Variants in LRP2 observed in about 807,000 individuals in gnomAD.
LRP2 encodes the protein LDL receptor related protein 2.
LRP2 carries 172 observed loss-of-function variants against 531.0 expected under a neutral mutation model. The observed-to-expected ratio is 0.32, with a 90% CI of 0.29 to 0.37. The LOEUF (loss-of-function observed/expected upper bound fraction) is 0.37. Among genes scored for constraint, LRP2 ranks in the 10% least tolerant of loss-of-function variants. LRP2 has a pLI of 1.00. For synonymous variants in LRP2, 1,992 were observed against 2,027.6 expected (o/e 0.98, Z 0.47); for missense variants, 5,167 against 5,868.3 (o/e 0.88, Z 3.90).
chr2:169,132,760 C>T (rs1215264007), intron 76 of LRP2, 79 bp from the exon 77 acceptor site: 2 of 795,296 alleles, frequency 2.5e-6, no homozygotes, highest in South Asian at 1.4e-5. Context: ...TTTGTACCAA[C>T]TCTGGCTCTT....
chr2:169,239,824 C>T lies in LRP2; in HGVS notation c.4046-49G>A, dbSNP rs1559034852. On this transcript the variant is annotated intron_variant, in intron 25 of 78. Transcript: ENST00000649046. ...GAAAAAAGAAAATCAAGAATCTTTG[C>T]TTCTTTGATTCACTCTTATGCAATA... 2.7e-6 allele frequency: 4 copies of T among 1,504,228 alleles called. No homozygotes were observed. The South Asian group carries it at 3.4e-5, about 13-fold the overall frequency. 93.2% of individuals were successfully genotyped at this position (1,504,228 alleles called of 1,614,324 possible).
chr2:169,283,080 G>T, intron 9 of LRP2, 79 bp from the exon 10 acceptor site: 1 of 1,471,564 alleles, frequency 6.8e-7, no homozygotes, highest in African/African-American at 1.4e-5. Context: ...TCCTAGATAA[G>T]ATGGCCAAGA....
intron 45 of LRP2, 125 bp from the exon 46 acceptor site, chr2:169,197,155 A>G: frequency 8.6e-7 from 1 of 1,164,848 alleles, no homozygotes; most frequent in Non-Finnish European, 1.2e-6. Flanking sequence ...GAGCCTGGAA[A>G]ATGGATGCTT....
At chr2:169,198,634 C>T in intron 45 of LRP2, 152 bp downstream of exon 45, 2 of 785,188 alleles carry the variant, frequency 2.5e-6, no homozygotes, top group Non-Finnish European at 4.2e-6. Context: ...CCTGCAATCA[C>T]ATATGAAAGC....
At chr2:169,188,922 A>C (rs1157621701) in intron 48 of LRP2, among the ~76,000 whole-genome samples, 1 of 152,168 alleles carries the variant, frequency 6.6e-6, no homozygotes, top group Non-Finnish European at 1.5e-5. Flanking sequence ...GTGAGTCTTC[A>C]TGGTGATGTG....
chr2:169,346,587 C>T (rs1685702670), intron 1 of LRP2, among the ~76,000 whole-genome samples: 1 of 152,098 alleles, frequency 6.6e-6, no homozygotes, highest in African/African-American at 2.4e-5. Flanking sequence ...CACCTTAGTC[C>T]CAGCTATTCA....
intron 2 of LRP2, among the ~76,000 whole-genome samples, chr2:169,319,198 A>T (rs1684847065): frequency 6.6e-6 from 1 of 152,244 alleles, no homozygotes; most frequent in Admixed American, 6.5e-5. Flanking sequence ...AGTAAACATT[A>T]ACTGTGAGTT....
chr2:169,283,367 T>G (rs1269799508), intron 9 of LRP2, among the ~76,000 whole-genome samples: 1 of 152,230 alleles, frequency 6.6e-6, no homozygotes, highest in African/African-American at 2.4e-5. Context: ...ACTAACCCCC[T>G]GTGGCTATCT....
At chr2:169,361,377 C>CTCTCTCTCTCTCTCTCT (rs1559092856) in intron 1 of LRP2, among the ~76,000 whole-genome samples, 15 of 52,272 alleles carry the variant, frequency 2.9e-4, no homozygotes, top group Admixed American at 4.6e-4. Flanking sequence ...TCTCTCTCTC[C>CTCTCTCTCTCTCTCTCT]CTCTCTCTCT....
chr2:169,232,598 G>A (rs1024169448), intron 30 of LRP2, among the ~76,000 whole-genome samples: 6 of 152,152 alleles, frequency 3.9e-5, no homozygotes, highest in African/African-American at 1.4e-4. Context: ...AGAATTATGA[G>A]GGGGTGGCTA....
At chr2:169,311,200 T>C (rs892325377) in intron 3 of LRP2, among the ~76,000 whole-genome samples, 1 of 152,218 alleles carries the variant, frequency 6.6e-6, no homozygotes, top group African/African-American at 2.4e-5. Flanking sequence ...CTCCATCTCC[T>C]TCAGTTCTGC....
chr2:169,139,674 G>T, intron 72 of LRP2, 64 bp from the exon 73 acceptor site: 5 of 1,372,420 alleles, frequency 3.6e-6, no homozygotes, highest in Middle Eastern at 1.8e-4. Flanking sequence ...GCATTTTTCT[G>T]AGCACATCCT....
Position 169,128,685 on chromosome 2 carries a change from A to G in LRP2, c.13946T>C (p.Val4649Ala). The G allele has an allele frequency of 6.2e-7, 1 of 1,614,152 alleles. No individual in the cohort carries two copies. Among genetic ancestry groups the G allele is most frequent in the Non-Finnish European group, 8.5e-7 (1 of 1,179,972 alleles). The change falls in exon 79 of 79, where the codon GTT (valine) becomes GCT (alanine). Residue 4649 changes from valine (V) to alanine (A), a missense_variant. Physicochemically the swap from Val to Ala is moderately conservative, Grantham distance 64. Transcript: ENST00000649046. ...EDTFKDTANL[V>A]KEDSEV ...TAGCTATACTTCAGAGTCTTCTTTA[A>G]CAAGATTTGCGGTGTCTTTAAAAGT...
At chr2:169,235,649 C>T (rs1247600464) in intron 29 of LRP2, among the ~76,000 whole-genome samples, 191 bp downstream of exon 29, 1 of 152,186 alleles carries the variant, frequency 6.6e-6, no homozygotes, top group Non-Finnish European at 1.5e-5. Flanking sequence ...TGACCATGAA[C>T]TGGAATGAAA....
rs1448427250 is a variant in LRP2 at position 169,140,555 on chromosome 2, G to A, written c.13109-10C>T. 1 of 1,599,916 alleles carries A rather than the reference G, an allele frequency of 6.3e-7. No individual in the cohort carries two copies. The highest frequency in any genetic ancestry group is 8.6e-7 in the Non-Finnish European group (1 of 1,167,128). On this transcript the variant is annotated splice_polypyrimidine_tract_variant and intron_variant, in intron 71 of 78. Coordinates refer to ENST00000649046, the MANE Select transcript of LRP2 (RefSeq NM_004525.3). ...ATAGGCAGTTCGATGGCTGCAGGAA[G>A]GGAAAGCCATGCAGGTGTTAGTCAG...
chr2:169,146,339 A>G (rs1685911219), intron 69 of LRP2, among the ~76,000 whole-genome samples: 1 of 152,184 alleles, frequency 6.6e-6, no homozygotes, highest in Non-Finnish European at 1.5e-5. Context: ...AACAACAAAA[A>G]ATGTTCATCT....
At chr2:169,346,154 T>C (rs1276031197) in intron 1 of LRP2, among the ~76,000 whole-genome samples, 1 of 152,246 alleles carries the variant, frequency 6.6e-6, no homozygotes, top group Non-Finnish European at 1.5e-5. Flanking sequence ...TTGATTTCCC[T>C]TACAGGGAAA....
intron 4 of LRP2, among the ~76,000 whole-genome samples, chr2:169,300,597 G>A (rs1415574334): frequency 6.6e-6 from 1 of 152,100 alleles, no homozygotes; most frequent in Non-Finnish European, 1.5e-5. Flanking sequence ...GGGATCTTAG[G>A]ATCTTTTTAA....
intron 1 of LRP2, among the ~76,000 whole-genome samples, chr2:169,346,754 A>G (rs1276921784): frequency 1.3e-5 from 2 of 152,232 alleles, no homozygotes; most frequent in South Asian, 2.1e-4. Context: ...ACTGCCATGT[A>G]TATTAAAATC....
Sources: gnomAD v4.1 joint callset for allele counts (sites outside exome capture counted in the v4.1 genomes callset) on GRCh38, gnomAD v4.1.1 for gene constraint, MANE v1.5 for transcripts, NCBI Gene and HGNC (gene_info 2026-07-23, HGNC 2026-07-21) for gene names.